PDLIM1: variants seen among roughly 807,000 people sequenced by gnomAD.
The protein encoded by PDLIM1 is PDZ and LIM domain 1.
PDLIM1 carries 25 observed loss-of-function variants against 35.2 expected under a neutral mutation model. The observed-to-expected ratio is 0.71, with a 90% confidence interval of 0.52 to 0.99. PDLIM1 has a LOEUF of 0.99. Ranked by LOEUF, PDLIM1 falls within the 50% of genes least tolerant of loss-of-function variation. The pLI, the probability that PDLIM1 is intolerant of heterozygous loss-of-function variation, is 0.00. For missense variants in PDLIM1, 363 were observed against 415.3 expected, an observed-to-expected ratio of 0.87 and a Z score of 1.09; for synonymous variants, 152 against 154.0, an observed-to-expected ratio of 0.99 and a Z score of 0.10.
intron 4 of PDLIM1, among the ~76,000 whole-genome samples, chr10:95,257,422 ATAAT>A (rs2035325938): frequency 6.6e-6 from 1 of 152,096 alleles, no homozygotes; most frequent in African/African-American, 2.4e-5. Flanking sequence ...AAACATACGT[ATAAT>A]TAATATCCAG....
chr10:95,283,054 A>G (rs2035573836), intron 1 of PDLIM1, among the ~76,000 whole-genome samples: 1 of 152,096 alleles, frequency 6.6e-6, no homozygotes, highest in Admixed American at 6.5e-5. Context: ...CACTCACTAA[A>G]CCTTGAGGGA....
intron 4 of PDLIM1, 126 bp from the exon 5 acceptor site, chr10:95,247,492 C>T: frequency 2.7e-6 from 2 of 728,550 alleles, no homozygotes; most frequent in Non-Finnish European, 4.4e-6. Flanking sequence ...AAGCCCTCTC[C>T]TAAATCAGCC....
chr10:95,265,592 T>C (rs1589514112), intron 3 of PDLIM1, among the ~76,000 whole-genome samples: 1 of 28,198 alleles, frequency 3.5e-5, no homozygotes, highest in Non-Finnish European at 7.1e-5. Flanking sequence ...TGGAACTCTG[T>C]CAAAAAAAAA....
Position 95,237,809 on chromosome 10 carries a change from C to CAAGCAGAGGGAAAACCAAAGT in PDLIM1, c.*95_*115dup, listed in dbSNP as rs1184585974. ...GGCAGGGAGGGGACTCAATGTTTTA[C>CAAGCAGAGGGAAAACCAAAGT]AAGCAGAGGGAAAACCAAAGTAAGC... is the stretch of plus-strand genomic sequence containing the variant. On this transcript the variant is annotated 3_prime_UTR_variant, in exon 7 of 7. Coordinates refer to ENST00000329399, the MANE Select transcript of PDLIM1 (RefSeq NM_020992.4). 45 of 817,100 alleles carry CAAGCAGAGGGAAAACCAAAGT rather than the reference C, an allele frequency of 5.5e-5. No individual in the cohort carries two copies. In the Admixed American group the frequency reaches 9.1e-4, roughly 17 times the overall value. The allele number at this position is 817,100 out of a possible 1,614,324, so 50.6% of individuals were successfully genotyped here.
chr10:95,278,357 G>A (rs569512452), intron 1 of PDLIM1, among the ~76,000 whole-genome samples: 462 of 152,324 alleles, frequency 3.0e-3, no homozygotes, highest in Non-Finnish European at 4.9e-3. Context: ...CCAGAAATGT[G>A]AGCTATTGTT....
rs2035647322 is a variant in PDLIM1, at chr10:95,290,834, G to C, written c.82C>G (p.Leu28Val). 6.4e-7 allele frequency: 1 copy of C among 1,563,548 alleles called. No homozygotes were observed. The highest frequency in any genetic ancestry group is 8.7e-7 in the Non-Finnish European group (1 of 1,154,400). ...LVGGKDFEQPLAISRVTPGSK... is the reference protein window; with the variant it reads ...LVGGKDFEQPVAISRVTPGSK... ...GCTGCTCTTACCCGGGAAATGGCGAGAGGCTGCTCGAAGTCCTTGCCGCCC... is the reference window on the plus strand; with the variant it reads ...GCTGCTCTTACCCGGGAAATGGCGACAGGCTGCTCGAAGTCCTTGCCGCCC... The change falls in exon 1 of 7, where the codon CTC (leucine) becomes GTC (valine). Residue 28 changes from leucine to valine, a missense_variant. Transcript: ENST00000329399. This position sits in a 1 kb window ranked among gnomAD's most constrained non-coding sequence, Gnocchi z 4.7.
intron 1 of PDLIM1, among the ~76,000 whole-genome samples, chr10:95,289,487 T>G (rs11188263): frequency 0.049 from 7,452 of 152,122 alleles, 591 homozygotes; most frequent in East Asian, 0.39. Flanking sequence ...CCTACTCTTT[T>G]AGGGGGGTGA....
At chr10:95,265,542 C>G (rs1009672380) in intron 3 of PDLIM1, among the ~76,000 whole-genome samples, 2 of 142,342 alleles carry the variant, frequency 1.4e-5, no homozygotes, top group Admixed American at 7.6e-5. Flanking sequence ...TTGCGGTGAG[C>G]CGAGATTGTA....
intron 4 of PDLIM1, among the ~76,000 whole-genome samples, chr10:95,249,420 A>G (rs2035250028): frequency 6.6e-6 from 1 of 152,238 alleles, no homozygotes; most frequent in Non-Finnish European, 1.5e-5. Flanking sequence ...AGATTTGTAT[A>G]TAAACAAGTT....
At chr10:95,263,458 A>C (rs2035383546) in intron 4 of PDLIM1, among the ~76,000 whole-genome samples, 1 of 144,902 alleles carries the variant, frequency 6.9e-6, no homozygotes, top group African/African-American at 2.5e-5. Context: ...TGGTGGACAT[A>C]AGCACAGGCT....
chr10:95,281,316 T>C (rs1024375362), intron 1 of PDLIM1, among the ~76,000 whole-genome samples: 1 of 149,990 alleles, frequency 6.7e-6, no homozygotes. Context: ...GGATGGCTCA[T>C]GCCTATAATC....
intron 1 of PDLIM1, among the ~76,000 whole-genome samples, chr10:95,280,700 C>A (rs1054549777): frequency 1.3e-5 from 2 of 151,956 alleles, no homozygotes; most frequent in South Asian, 2.1e-4. Context: ...TTATTTTTTT[C>A]TTTTTCTTGA....
chr10:95,240,905 G>T (rs1232001270), intron 5 of PDLIM1, among the ~76,000 whole-genome samples: 1 of 152,062 alleles, frequency 6.6e-6, no homozygotes, highest in Non-Finnish European at 1.5e-5. Flanking sequence ...ATTAATAATG[G>T]TAAAAATCAC....
rs560966344 is a variant in PDLIM1 at position 95,290,080 on chromosome 10, A to G, written c.96+740T>C. On this transcript the variant is annotated intron_variant, in intron 1 of 6. Coordinates refer to ENST00000329399, the MANE Select transcript of PDLIM1 (RefSeq NM_020992.4). This position sits in a 1 kb window ranked among gnomAD's most constrained non-coding sequence, Gnocchi z 4.7. ...CCGAAGCCCCTCTTAGATTTCAAGC[A>G]CCTCAACCCCACCCCAGGTGGACAC... Among the ~76,000 whole-genome samples, 1 of 152,148 alleles carries G rather than the reference A, an allele frequency of 6.6e-6. No homozygotes were observed. Among genetic ancestry groups the G allele is most frequent in the South Asian group, 2.1e-4 (1 of 4,818 alleles).
chr10:95,261,395 CA>C (rs2035361046), intron 4 of PDLIM1, among the ~76,000 whole-genome samples: 2 of 152,126 alleles, frequency 1.3e-5, no homozygotes, highest in Non-Finnish European at 2.9e-5. Context: ...CAGCTAAAAA[CA>C]GGGATCACAG....
At chr10:95,243,715 G>A (rs1360902434) in intron 5 of PDLIM1, among the ~76,000 whole-genome samples, 1 of 152,032 alleles carries the variant, frequency 6.6e-6, no homozygotes, top group African/African-American at 2.4e-5. Flanking sequence ...CTCCTTCAAT[G>A]GACAGATGAA....
intron 1 of PDLIM1, among the ~76,000 whole-genome samples, chr10:95,277,233 T>A (rs1193737105): frequency 6.7e-6 from 1 of 149,074 alleles, no homozygotes; most frequent in Non-Finnish European, 1.5e-5. Context: ...AAAAAAAAAA[T>A]TATATACTCA....
chr10:95,277,541 G>A (rs2035522622), intron 1 of PDLIM1, among the ~76,000 whole-genome samples: 1 of 152,072 alleles, frequency 6.6e-6, no homozygotes, highest in South Asian at 2.1e-4. Context: ...TACTCAGGGG[G>A]CTGAGACAGG....
chr10:95,245,637 T>C (rs1197472479), intron 5 of PDLIM1, among the ~76,000 whole-genome samples: 1 of 152,232 alleles, frequency 6.6e-6, no homozygotes, highest in East Asian at 1.9e-4. Context: ...CAGGCAAAGC[T>C]AATACTGGAA....
Sources: allele counts gnomAD v4.1 joint callset (sites outside exome capture counted in the v4.1 genomes callset), GRCh38; gene constraint gnomAD v4.1.1; non-coding constraint Gnocchi (gnomAD v3.1); transcripts MANE v1.5; gene names NCBI Gene and HGNC (gene_info 2026-07-23, HGNC 2026-07-21).